CEP128: variants seen among roughly 807,000 people sequenced by gnomAD.
CEP128 encodes the protein centrosomal protein 128kDa.
A neutral mutation model predicts 156.7 loss-of-function variants in CEP128; 132 were observed. The observed-to-expected ratio is 0.84, with a 90% CI of 0.73 to 0.97. The LOEUF (loss-of-function observed/expected upper bound fraction) is 0.97, where lower values mean the gene tolerates loss of function less well. Among genes scored for constraint, CEP128 ranks in the 50% least tolerant of loss-of-function variants. The pLI is 0.00. For synonymous variants in CEP128, 469 were observed against 448.9 expected (o/e 1.04, Z -0.57); for missense variants, 1,252 against 1,281.9 (o/e 0.98, Z 0.36).
chr14:80,779,582 G>A (rs1301890485), intron 15 of CEP128, among the ~76,000 whole-genome samples: 1 of 152,164 alleles, frequency 6.6e-6, no homozygotes, highest in Non-Finnish European at 1.5e-5. Flanking sequence ...CATAGAAACT[G>A]TCAAAGCCAA....
At chr14:80,810,196 G>A (rs1884427095) in intron 13 of CEP128, among the ~76,000 whole-genome samples, 1 of 150,882 alleles carries the variant, frequency 6.6e-6, no homozygotes, top group South Asian at 2.1e-4. Flanking sequence ...GATTGTAGAC[G>A]CCTGTAGTCC....
At chr14:80,720,450 C>G (rs1485830941) in intron 19 of CEP128, among the ~76,000 whole-genome samples, 1 of 152,104 alleles carries the variant, frequency 6.6e-6, no homozygotes, top group Admixed American at 6.6e-5. Flanking sequence ...CCCTGCATTC[C>G]CAGCCAAGCC....
At chr14:80,645,098 G>T (rs1431858998) in intron 19 of CEP128, among the ~76,000 whole-genome samples, 1 of 152,042 alleles carries the variant, frequency 6.6e-6, no homozygotes. Context: ...AAGTTGAAAG[G>T]TCAAGTAGGT....
At chr14:80,913,691 G>C (rs1018187797) in intron 4 of CEP128, among the ~76,000 whole-genome samples, 11 of 152,170 alleles carry the variant, frequency 7.2e-5, no homozygotes, top group African/African-American at 2.4e-4. Flanking sequence ...GGTATACAGA[G>C]TGGTATAATG....
intron 19 of CEP128, among the ~76,000 whole-genome samples, chr14:80,713,631 T>A (rs992148965): frequency 4.6e-5 from 7 of 152,202 alleles, no homozygotes; most frequent in Admixed American, 6.5e-5. Flanking sequence ...TAGCATATTC[T>A]AAGAGAGGGA....
chr14:80,618,410 C>T (rs1344256926), intron 19 of CEP128, among the ~76,000 whole-genome samples: 4 of 152,208 alleles, frequency 2.6e-5, no homozygotes, highest in African/African-American at 9.6e-5. Context: ...TAGCTAAGGC[C>T]TTCTGGCAAG....
At position 80,874,617 on chromosome 14, in the gene CEP128, AGTTT is replaced by A. The variant is rs199997022; in HGVS notation, c.646-11748_646-11745del. Among the ~76,000 whole-genome samples, 9 of 151,810 alleles carry A rather than the reference AGTTT, an allele frequency of 5.9e-5. No homozygotes were observed. The South Asian group carries it at 6.3e-4, about 11-fold the overall frequency. On this transcript the variant is annotated intron_variant, in intron 8 of 24. Transcript: ENST00000555265. Reference sequence around the variant, plus strand: ...AAGCTAGAAAGAATATTTTAAATATAGTTTGTTTGTTTGTTTCTGAGACGGAGTC... The same window carrying A: ...AAGCTAGAAAGAATATTTTAAATATAGTTTGTTTGTTTCTGAGACGGAGTC...
At chr14:80,828,828 A>G (rs1389103235) in intron 13 of CEP128, among the ~76,000 whole-genome samples, 4 of 152,222 alleles carry the variant, frequency 2.6e-5, no homozygotes, top group Admixed American at 2.0e-4. Flanking sequence ...GGGCCTGACC[A>G]ATGATCTCAT....
At chr14:80,867,724 CAAGTA>C (rs1887835366) in intron 8 of CEP128, among the ~76,000 whole-genome samples, 1 of 151,708 alleles carries the variant, frequency 6.6e-6, no homozygotes, top group South Asian at 2.1e-4. Context: ...GAGATACTAT[CAAGTA>C]AAGAAATTTA....
intron 19 of CEP128, among the ~76,000 whole-genome samples, chr14:80,740,747 C>T (rs1898790818): frequency 6.6e-6 from 1 of 152,154 alleles, no homozygotes; most frequent in Non-Finnish European, 1.5e-5. Flanking sequence ...GAAAAGATAA[C>T]TCCCTAACAA....
intron 22 of CEP128, 134 bp from the exon 23 acceptor site, chr14:80,527,116 A>G: frequency 1.7e-6 from 1 of 572,808 alleles, no homozygotes; most frequent in South Asian, 2.3e-5. Context: ...GATATATAGG[A>G]GAATCACAGG....
chr14:80,649,648 A>C (rs1433688453), intron 19 of CEP128, among the ~76,000 whole-genome samples: 1 of 152,064 alleles, frequency 6.6e-6, no homozygotes, highest in African/African-American at 2.4e-5. Flanking sequence ...GGGGTAAAAA[A>C]AAGTCTGCAT....
At chr14:80,829,484 C>A (rs1490398418) in intron 13 of CEP128, among the ~76,000 whole-genome samples, 1 of 152,154 alleles carries the variant, frequency 6.6e-6, no homozygotes, top group Non-Finnish European at 1.5e-5. Flanking sequence ...AATCACAGCT[C>A]GCTGCAGCCT....
At position 80,726,205 on chromosome 14, in the gene CEP128, T is replaced by A. The variant is rs149983769; in HGVS notation, c.2806+16870A>T. On this transcript the variant is annotated intron_variant, in intron 19 of 24. Coordinates refer to ENST00000555265, the MANE Select transcript of CEP128 (RefSeq NM_152446.5). ...GCTTCAGGAGCTTATAACCTTGTATTAATAGGGAAAATTCCTAACAACAAA... is the reference window on the plus strand; with the variant it reads ...GCTTCAGGAGCTTATAACCTTGTATAAATAGGGAAAATTCCTAACAACAAA... Among the ~76,000 whole-genome samples, 3 of 152,290 alleles carry A rather than the reference T, an allele frequency of 2.0e-5. No individual in the cohort carries two copies. In the East Asian group the frequency reaches 5.8e-4, roughly 29 times the overall value.
chr14:80,863,086 T>C, intron 8 of CEP128, among the ~76,000 whole-genome samples: 1 of 152,124 alleles, frequency 6.6e-6, no homozygotes, highest in Non-Finnish European at 1.5e-5. Context: ...CTCCAAATAA[T>C]CGACACCTGG....
intron 19 of CEP128, among the ~76,000 whole-genome samples, chr14:80,599,421 C>T (rs1019124248): frequency 4.6e-5 from 7 of 151,720 alleles, no homozygotes; most frequent in Admixed American, 2.0e-4. Flanking sequence ...GACAGGCACC[C>T]GCCACCACGC....
At chr14:80,654,915 T>C (rs1300000132) in intron 19 of CEP128, among the ~76,000 whole-genome samples, 1 of 152,144 alleles carries the variant, frequency 6.6e-6, no homozygotes, top group African/African-American at 2.4e-5. Context: ...ACTGTTCTAA[T>C]TGTTCTGAGA....
At chr14:80,875,135 C>T (rs140457874) in intron 8 of CEP128, among the ~76,000 whole-genome samples, 37 of 152,282 alleles carry the variant, frequency 2.4e-4, no homozygotes, top group African/African-American at 7.5e-4. Context: ...AAGTGTTGAG[C>T]TGAGAGACTT....
At chr14:80,577,237 T>A (rs1370652374) in intron 20 of CEP128, among the ~76,000 whole-genome samples, 1 of 152,166 alleles carries the variant, frequency 6.6e-6, no homozygotes, top group Non-Finnish European at 1.5e-5. Flanking sequence ...CCCTGGGAAT[T>A]CACATTCGCT....
Sources: allele counts gnomAD v4.1 joint callset (sites outside exome capture counted in the v4.1 genomes callset), GRCh38; gene constraint gnomAD v4.1.1; transcripts MANE v1.5; gene names NCBI Gene and HGNC (gene_info 2026-07-23, HGNC 2026-07-21).